OPA1: variants seen among roughly 807,000 people sequenced by gnomAD.
OPA1 encodes the protein OPA1 mitochondrial dynamin like GTPase, also known as dynamin-like GTPase OPA1, mitochondrial.
Under a neutral mutation model 152.9 loss-of-function variants are expected in OPA1, and 59 were observed. The observed-to-expected ratio is 0.39, with a 90% confidence interval of 0.31 to 0.48. The LOEUF (loss-of-function observed/expected upper bound fraction) is 0.48, where lower values mean the gene tolerates loss of function less well. OPA1 is among the 20% of genes least tolerant of loss of function. The probability of loss-of-function intolerance (pLI) is 0.96; values close to 1 mark genes in which losing one functional copy is unlikely to be tolerated. For missense variants in OPA1, 1,008 were observed against 1,216.8 expected (o/e 0.83, Z 2.55); for synonymous variants, 400 against 389.9 (o/e 1.03, Z -0.31).
intron 6 of OPA1, among the ~76,000 whole-genome samples, chr3:193,624,833 A>G (rs1272664591): frequency 6.6e-6 from 1 of 152,170 alleles, no homozygotes; most frequent in Non-Finnish European, 1.5e-5. Context: ...AGTTATATCC[A>G]GACTTTAAGA....
At chr3:193,609,868 T>A (rs1026974235) in intron 1 of OPA1, among the ~76,000 whole-genome samples, 12 of 152,234 alleles carry the variant, frequency 7.9e-5, no homozygotes, top group African/African-American at 2.7e-4. Context: ...GTAGTTCTCG[T>A]GCCTTGGTTT....
intron 1 of OPA1, among the ~76,000 whole-genome samples, chr3:193,614,503 A>G (rs1728718254): frequency 6.6e-6 from 1 of 152,198 alleles, no homozygotes; most frequent in Admixed American, 6.5e-5. Flanking sequence ...GGATAATACT[A>G]GTACTTTCTA....
rs747454971 is a variant in OPA1 at position 193,648,793 on chromosome 3, A to G, written c.1936-2A>G. ...TTACTTACTTGTATTTATATTGCCT[A>G]GAATGAACTATTTGAAAAAGCTAAA... On this transcript the variant is annotated splice_acceptor_variant, in intron 20 of 30. Coordinates refer to ENST00000361510, the MANE Select transcript of OPA1 (RefSeq NM_130837.3). LOFTEE classifies it high-confidence loss of function. The G allele has an allele frequency of 6.3e-7, 1 of 1,578,236 alleles. No individual in the cohort carries two copies. Among genetic ancestry groups the G allele is most frequent in the African/African-American group, 1.3e-5 (1 of 74,180 alleles).
intron 2 of OPA1, among the ~76,000 whole-genome samples, chr3:193,615,455 T>C (rs1728871518): frequency 6.6e-6 from 1 of 152,238 alleles, no homozygotes; most frequent in Admixed American, 6.5e-5. Flanking sequence ...CTGTTTGAAA[T>C]AGGAGTATAT....
intron 7 of OPA1, 36 bp from the exon 8 acceptor site, chr3:193,631,574 CCT>C: frequency 6.7e-7 from 1 of 1,486,292 alleles, no homozygotes; most frequent in Non-Finnish European, 9.4e-7. Flanking sequence ...TCTGTATAAA[CCT>C]AATTCTATTC....
intron 20 of OPA1, 44 bp from the exon 21 acceptor site, chr3:193,648,751 A>T: frequency 7.6e-7 from 1 of 1,318,840 alleles, no homozygotes; most frequent in Non-Finnish European, 1.1e-6. Context: ...GGGTAAATTT[A>T]CTGTCTTATG....
At chr3:193,647,327 T>C in intron 19 of OPA1, 147 bp downstream of exon 19, 1 of 654,680 alleles carries the variant, frequency 1.5e-6, no homozygotes, top group Non-Finnish European at 2.7e-6. Context: ...AATAGAAGAA[T>C]ACAAACCTTC....
intron 16 of OPA1, 117 bp from the exon 17 acceptor site, chr3:193,645,436 C>T (rs775503837): frequency 1.5e-6 from 1 of 677,486 alleles, no homozygotes; most frequent in South Asian, 1.9e-5. Context: ...TGCTTTTGTG[C>T]AGATTTATTT....
At chr3:193,628,993 G>A (rs1401229044) in intron 7 of OPA1, among the ~76,000 whole-genome samples, 2 of 151,910 alleles carry the variant, frequency 1.3e-5, no homozygotes, top group Admixed American at 6.6e-5. Flanking sequence ...AGCTCACTGC[G>A]ACCTCTGCCT....
intron 1 of OPA1, among the ~76,000 whole-genome samples, chr3:193,614,261 A>C (rs1237769335): frequency 2.6e-5 from 4 of 152,228 alleles, no homozygotes; most frequent in Non-Finnish European, 5.9e-5. Context: ...TGAAAGCAAA[A>C]GTTTGCATGC....
chr3:193,693,532 C>T (rs911191979), intron 30 of OPA1, among the ~76,000 whole-genome samples: 1 of 152,016 alleles, frequency 6.6e-6, no homozygotes, highest in African/African-American at 2.4e-5. Context: ...CCCAGCTACT[C>T]GGGAGCCTGA....
chr3:193,644,252 C>A, intron 16 of OPA1, 147 bp downstream of exon 16: 1 of 936,224 alleles, frequency 1.1e-6, no homozygotes, highest in Non-Finnish European at 1.6e-6. Context: ...AGCAAAATCA[C>A]AAAAGGAAAT....
In OPA1 at chr3:193,658,265, G is replaced by A. The variant is rs28623055; in HGVS notation, c.2332-622G>A. Among the ~76,000 whole-genome samples the A allele has an allele frequency of 3.0e-3, 265 of 88,174 alleles. 2 individuals are homozygous for A. The highest frequency in any genetic ancestry group is 0.011 in the Middle Eastern group (2 of 178). 57.8% of individuals were successfully genotyped at this position (88,174 alleles called of 152,430 possible). On this transcript the variant is annotated intron_variant, in intron 23 of 30. Coordinates refer to ENST00000361510, the MANE Select transcript of OPA1 (RefSeq NM_130837.3). ...CGTTTTCAAAAAAAAAAAAAAAAAA[G>A]AAAGAAAACCATATTTATTCTTGTT...
At chr3:193,681,475 ATAAAG>A (rs1720113659) in intron 29 of OPA1, among the ~76,000 whole-genome samples, 1 of 152,250 alleles carries the variant, frequency 6.6e-6, no homozygotes, top group Non-Finnish European at 1.5e-5. Context: ...GGCAAGTGAA[ATAAAG>A]TAAACTTTCA....
intron 5 of OPA1, among the ~76,000 whole-genome samples, chr3:193,618,138 A>G (rs1473110455): frequency 6.6e-6 from 1 of 152,222 alleles, no homozygotes; most frequent in Admixed American, 6.5e-5. Flanking sequence ...ATTGAAATGA[A>G]AAGTAATTTT....
intron 29 of OPA1, 151 bp downstream of exon 29, chr3:193,667,431 G>A (rs748003657): frequency 1.3e-5 from 9 of 682,972 alleles, no homozygotes; most frequent in African/African-American, 3.5e-5. Flanking sequence ...AGCACTTTGG[G>A]AGGCCAAGAT....
chr3:193,684,892 C>G (rs965717203), intron 29 of OPA1, among the ~76,000 whole-genome samples: 1 of 152,112 alleles, frequency 6.6e-6, no homozygotes, highest in East Asian at 1.9e-4. Context: ...CATACTGAAG[C>G]CTTTTGGGGA....
At chr3:193,602,987 AT>A (rs1726692809) in intron 1 of OPA1, among the ~76,000 whole-genome samples, 1 of 152,244 alleles carries the variant, frequency 6.6e-6, no homozygotes, top group Admixed American at 6.5e-5. Flanking sequence ...AATGAAGTCC[AT>A]CTGTAAATGT....
At chr3:193,692,182 C>G in intron 30 of OPA1, 50 bp downstream of exon 30, 1 of 961,530 alleles carries the variant, frequency 1.0e-6, no homozygotes, top group Admixed American at 2.0e-5. Context: ...TACAAAATTA[C>G]ACTTTTCTTA....
Sources: allele counts gnomAD v4.1 joint callset (sites outside exome capture counted in the v4.1 genomes callset), GRCh38; gene constraint gnomAD v4.1.1; transcripts MANE v1.5; gene names NCBI Gene and HGNC (gene_info 2026-07-23, HGNC 2026-07-21).